TG: variants seen among roughly 807,000 people sequenced by gnomAD.
TG encodes thyroid hormones.
Under a neutral mutation model 324.7 loss-of-function variants are expected in TG, and 270 were observed. The ratio of observed to expected loss-of-function variants is 0.83; its 90% CI spans 0.75 to 0.92. The LOEUF is 0.92. TG is among the 40% of genes least tolerant of loss of function. The pLI, the probability that TG is intolerant of heterozygous loss-of-function variation, is 0.00. For missense variants in TG, 3,591 were observed against 3,456.4 expected, an observed-to-expected ratio of 1.04 and a Z score of -0.98; for synonymous variants, 1,401 against 1,327.0, an observed-to-expected ratio of 1.06 and a Z score of -1.21.
chr8:132,990,579 C>G (rs998366193), intron 35 of TG, among the ~76,000 whole-genome samples: 14 of 152,170 alleles, frequency 9.2e-5, no homozygotes, highest in African/African-American at 3.1e-4. Flanking sequence ...TCTCCTCCCC[C>G]TCCCTCTGAT....
intron 27 of TG, among the ~76,000 whole-genome samples, chr8:132,950,038 C>A (rs552719973): frequency 2.6e-5 from 4 of 152,250 alleles, no homozygotes; most frequent in Non-Finnish European, 5.9e-5. Context: ...CCCCAGCCCT[C>A]AGGGTGGGTC....
At chr8:133,117,129 A>ATTC (rs1317003344) in intron 45 of TG, among the ~76,000 whole-genome samples, 1 of 152,228 alleles carries the variant, frequency 6.6e-6, no homozygotes, top group East Asian at 1.9e-4. Flanking sequence ...TCTTACTTCC[A>ATTC]GAATAGGTTC....
At chr8:132,945,702 G>A (rs1430816047) in intron 26 of TG, among the ~76,000 whole-genome samples, 1 of 152,116 alleles carries the variant, frequency 6.6e-6, no homozygotes, top group East Asian at 1.9e-4. Flanking sequence ...TACATAACAG[G>A]TAGAGAATAT....
At chr8:132,973,494 G>A (rs1039810324) in intron 34 of TG, among the ~76,000 whole-genome samples, 12 of 145,158 alleles carry the variant, frequency 8.3e-5, no homozygotes, top group African/African-American at 2.9e-4. Flanking sequence ...TGTGGCATAA[G>A]AGCTCCTGGA....
intron 21 of TG, 89 bp from the exon 22 acceptor site, chr8:132,923,249 C>A: frequency 7.1e-7 from 1 of 1,417,484 alleles, no homozygotes. Context: ...GTGACTTGGA[C>A]ACCTTGTCAA....
Position 132,873,113 on chromosome 8 carries a change from A to G in TG, c.530A>G (p.Asp177Gly), listed in dbSNP as rs1587177945. ...CGTCGTCTTCTCCACGGGGTGGGAG[A>G]TAAGTCACCACCCCAGTGTTCTGCG... The part of the protein sequence containing the change: ...RNRRLLHGVG[D>G]KSPPQCSAEG... Residue 177 changes from aspartate (D) to glycine (G), a missense_variant, in exon 5 of 48, where the codon GAT becomes GGT. Transcript: ENST00000220616. The G allele has an allele frequency of 3.1e-6, 5 of 1,613,996 alleles. No homozygotes were observed. The East Asian group carries it at 6.7e-5, about 22-fold the overall frequency.
At chr8:133,068,169 G>A (rs375032659) in intron 41 of TG, among the ~76,000 whole-genome samples, 17 of 152,334 alleles carry the variant, frequency 1.1e-4, no homozygotes, top group East Asian at 3.9e-4. Context: ...CAAGCAATCT[G>A]CTCAAGGTCA....
In TG at chr8:133,026,009, A is replaced by G. The variant is rs75260461; in HGVS notation, c.7037-3812A>G. Among the ~76,000 whole-genome samples the G allele has an allele frequency of 3.8e-3, 580 of 152,256 alleles. 7 individuals carry two copies. The highest frequency in any genetic ancestry group is 0.013 in the African/African-American group (553 of 41,556). ...TGAGATGAAGTGTGTGAGGACAAGC[A>G]CCAGGACTCACCCATGTTTATTCCC... On this transcript the variant is annotated intron_variant, in intron 40 of 47. Transcript: ENST00000220616.
In TG at chr8:133,011,989, T is replaced by G. The variant is rs145367055; in HGVS notation, c.6351T>G (p.Thr2117=). 451 of 1,614,242 alleles carry G rather than the reference T, an allele frequency of 2.8e-4. 3 individuals are homozygous for G. In the African/African-American group the frequency reaches 5.4e-3, roughly 19 times the overall value. The change falls in exon 36 of 48, where the codon ACT becomes ACG. Residue 2117 remains threonine (T), a synonymous_variant. Transcript: ENST00000220616. The part of the protein sequence containing the change: ...IRHFDVAHVS[T]AATSNFSAVR... ...ACTTTGATGTTGCCCATGTCAGCAC[T>G]GCTGCCACCAGCAATTTCTCTGCTG... is the stretch of plus-strand genomic sequence containing the variant.
At chr8:133,080,700 G>T (rs1324847069) in intron 41 of TG, among the ~76,000 whole-genome samples, 1 of 152,086 alleles carries the variant, frequency 6.6e-6, no homozygotes, top group Non-Finnish European at 1.5e-5. Flanking sequence ...AGCACTCAAG[G>T]CCTCCATGCC....
chr8:132,884,925 CTT>C (rs1384782819), intron 8 of TG, among the ~76,000 whole-genome samples: 2 of 152,212 alleles, frequency 1.3e-5, no homozygotes, highest in African/African-American at 4.8e-5. Context: ...AAGCAGTAAA[CTT>C]TATTTCTGCC....
intron 35 of TG, among the ~76,000 whole-genome samples, chr8:133,003,635 C>T (rs1833762850): frequency 6.6e-6 from 1 of 152,128 alleles, no homozygotes; most frequent in Non-Finnish European, 1.5e-5. Context: ...GGATATGGTG[C>T]TTTCTAGAAA....
chr8:133,024,680 G>A (rs1217296251), intron 40 of TG, among the ~76,000 whole-genome samples: 1 of 151,868 alleles, frequency 6.6e-6, no homozygotes, highest in Non-Finnish European at 1.5e-5. Context: ...CTGTTCCTGT[G>A]TTAGTTTGCT....
At chr8:133,093,478 C>T (rs1847913156) in intron 41 of TG, among the ~76,000 whole-genome samples, 1 of 152,142 alleles carries the variant, frequency 6.6e-6, no homozygotes, top group Non-Finnish European at 1.5e-5. Flanking sequence ...CGGTTAAGGA[C>T]AGAAAATCAC....
intron 26 of TG, among the ~76,000 whole-genome samples, chr8:132,944,742 G>T (rs1477241634): frequency 6.6e-6 from 1 of 152,218 alleles, no homozygotes; most frequent in African/African-American, 2.4e-5. Flanking sequence ...GCTAGACTCT[G>T]AAGACAAGTG....
At chr8:132,943,605 T>A (rs1824790361) in intron 26 of TG, among the ~76,000 whole-genome samples, 1 of 152,106 alleles carries the variant, frequency 6.6e-6, no homozygotes, top group Admixed American at 6.5e-5. Flanking sequence ...TTCTTAGCCC[T>A]TCTCCCTTCT....
At chr8:133,049,035 C>T (rs923740459) in intron 41 of TG, 4 of 375,344 alleles carry the variant, frequency 1.1e-5, no homozygotes, top group Admixed American at 3.4e-5. Context: ...TTCCAGCTTC[C>T]GACACTTGAC....
chr8:132,885,590 A>G (rs1226281263), intron 8 of TG, among the ~76,000 whole-genome samples: 2 of 147,190 alleles, frequency 1.4e-5, no homozygotes, highest in Non-Finnish European at 2.9e-5. Flanking sequence ...AAAATCACAT[A>G]GTGAAGCATT....
At chr8:133,001,959 A>G (rs1833553941) in intron 35 of TG, 1 of 985,318 alleles carries the variant, frequency 1.0e-6, no homozygotes, top group Non-Finnish European at 1.2e-6. Flanking sequence ...CTTGGTTTTG[A>G]TTGCGGGAAG....
Sources: gnomAD v4.1 joint callset for allele counts (sites outside exome capture counted in the v4.1 genomes callset) on GRCh38, gnomAD v4.1.1 for gene constraint, MANE v1.5 for transcripts, NCBI Gene and HGNC (gene_info 2026-07-23, HGNC 2026-07-21) for gene names.